Variants in CARD19 observed in about 807,000 individuals in gnomAD.
The protein encoded by CARD19 is caspase recruitment domain family member 19, also known as caspase recruitment domain-containing protein 19.
A neutral mutation model predicts 24.1 loss-of-function variants in CARD19; 25 were observed. The observed-to-expected ratio is 1.04, with a 90% confidence interval of 0.76 to 1.45. The LOEUF (loss-of-function observed/expected upper bound fraction) is 1.45. Among genes scored for constraint, CARD19 ranks in the 40% most tolerant of loss-of-function variants. CARD19 has a pLI of 0.00. For synonymous variants in CARD19, 103 were observed against 104.9 expected (o/e 0.98, Z 0.11); for missense variants, 241 against 247.4 (o/e 0.97, Z 0.17).
In CARD19 at chr9:93,107,760, A is replaced by G. The variant is rs749020074; in HGVS notation, c.94A>G (p.Ile32Val). The change falls in exon 2 of 6, where the codon ATC becomes GTC. Residue 32 changes from isoleucine (I) to valine (V), a missense_variant. By Grantham distance (29) the Ile-to-Val change is conservative. Coordinates refer to ENST00000375464, the MANE Select transcript of CARD19 (RefSeq NM_032310.5). Reference protein sequence around the residue: ...RLSEQQVDRIILQLNRYYPQI... With the variant: ...RLSEQQVDRIVLQLNRYYPQI... ...GAGTGAGCAGCAGGTGGACAGGATC[A>G]TCCTCCAGCTGAACCGTTACTACCC... is the stretch of plus-strand genomic sequence containing the variant. 7.4e-6 allele frequency: 12 copies of G among 1,614,126 alleles called. No homozygotes were observed. The highest frequency in any genetic ancestry group is 1.0e-5 in the Non-Finnish European group (12 of 1,180,038).
chr9:93,106,577 CAA>C (rs58551380), intron 1 of CARD19, among the ~76,000 whole-genome samples: 2 of 135,124 alleles, frequency 1.5e-5, no homozygotes, highest in Admixed American at 7.4e-5. Context: ...CAAAAAAAAA[CAA>C]AAAAAAAAAA....
intron 1 of CARD19, among the ~76,000 whole-genome samples, chr9:93,098,898 C>CTATT (rs1826979972): frequency 1.3e-5 from 1 of 74,600 alleles, no homozygotes. Flanking sequence ...CATTGCAGAA[C>CTATT]TCTTTTTTTT....
At chr9:93,097,050 TCC>T (rs1194899449) in intron 1 of CARD19, among the ~76,000 whole-genome samples, 1 of 152,106 alleles carries the variant, frequency 6.6e-6, no homozygotes, top group Non-Finnish European at 1.5e-5. Context: ...ATCCTCCTGA[TCC>T]CAAACAGGGT....
intron 1 of CARD19, among the ~76,000 whole-genome samples, chr9:93,106,469 T>C (rs1468113218): frequency 6.9e-6 from 1 of 145,652 alleles, no homozygotes; most frequent in East Asian, 2.0e-4. Context: ...ATGCCTGTAA[T>C]CCCAGGAAGA....
intron 3 of CARD19, 48 bp from the exon 4 acceptor site, chr9:93,111,831 C>A: frequency 6.3e-7 from 1 of 1,596,836 alleles, no homozygotes; most frequent in Admixed American, 1.7e-5. Context: ...CTACCTTGCC[C>A]TCCGGCCCTG....
intron 5 of CARD19, 90 bp from the exon 6 acceptor site, chr9:93,112,902 G>A (rs1243260190): frequency 5.8e-6 from 5 of 864,126 alleles, no homozygotes; most frequent in Admixed American, 2.4e-5. Flanking sequence ...CCCAGTGCCT[G>A]TTCCCACCCA....
intron 1 of CARD19, among the ~76,000 whole-genome samples, chr9:93,102,197 G>C (rs1226800087): frequency 6.6e-6 from 1 of 151,518 alleles, no homozygotes; most frequent in African/African-American, 2.4e-5. Context: ...CCTGACCTTA[G>C]GTGACCTCAG....
chr9:93,110,764 G>A (rs757766350), intron 3 of CARD19, 43 bp downstream of exon 3: 37 of 1,581,400 alleles, frequency 2.3e-5, no homozygotes, highest in East Asian at 4.6e-5. Flanking sequence ...GTGCTGGCCC[G>A]GGGAGGGCAC....
intron 2 of CARD19, chr9:93,109,116 G>T (rs1204409616): frequency 6.6e-6 from 1 of 152,206 alleles, no homozygotes; most frequent in Non-Finnish European, 1.5e-5. Flanking sequence ...TTTGAAGGTG[G>T]TACAGTAATT....
rs1444619753 is a variant in CARD19 at position 93,096,735 on chromosome 9, A to G, written c.7+383A>G. On this transcript the variant is annotated intron_variant, in intron 1 of 5. Coordinates refer to ENST00000375464, the MANE Select transcript of CARD19 (RefSeq NM_032310.5). The surrounding 1 kb of genome is among the most constrained non-coding windows in gnomAD (Gnocchi z 5.4). ...GGTCTGAAAGAGTAGGAGGTGGTAG[A>G]AATGACACCGGAGAGAATTCACAGC... Among the ~76,000 whole-genome samples, 2 of 152,174 alleles carry G rather than the reference A, an allele frequency of 1.3e-5. No individual in the cohort carries two copies. Among genetic ancestry groups the G allele is most frequent in the Non-Finnish European group, 2.9e-5 (2 of 68,018 alleles).
At chr9:93,097,337 C>T (rs1207423943) in intron 1 of CARD19, among the ~76,000 whole-genome samples, 1 of 152,040 alleles carries the variant, frequency 6.6e-6, no homozygotes, top group Non-Finnish European at 1.5e-5. Context: ...TTCCAGGACA[C>T]CAGGCCAGAA....
intron 3 of CARD19, chr9:93,111,569 G>A: frequency 7.9e-7 from 1 of 1,264,706 alleles, no homozygotes; most frequent in Non-Finnish European, 1.0e-6. Flanking sequence ...AGGTGGGACT[G>A]GCTCTCCCTC....
chr9:93,106,053 AATAC>A (rs1827241159), intron 1 of CARD19, among the ~76,000 whole-genome samples: 1 of 152,162 alleles, frequency 6.6e-6, no homozygotes, highest in Admixed American at 6.5e-5. Context: ...TCCTTTTATT[AATAC>A]ATAATGTACT....
chr9:93,101,464 C>T (rs539201056), intron 1 of CARD19, among the ~76,000 whole-genome samples: 8 of 145,966 alleles, frequency 5.5e-5, no homozygotes, highest in South Asian at 2.2e-4. Flanking sequence ...TTTTTTGAGA[C>T]GGAGTCTCAC....
At chr9:93,105,018 G>A (rs1023238301) in intron 1 of CARD19, among the ~76,000 whole-genome samples, 1 of 151,952 alleles carries the variant, frequency 6.6e-6, no homozygotes, top group African/African-American at 2.4e-5. Context: ...AAGCTCTCTG[G>A]TCTTTACTTT....
chr9:93,110,178 T>C (rs2130728751), intron 2 of CARD19: 1 of 170,724 alleles, frequency 5.9e-6, no homozygotes, highest in South Asian at 1.3e-4. Context: ...GTATTTTTAA[T>C]AGAGTCGGGG....
chr9:93,102,357 A>T (rs566831857), intron 1 of CARD19, among the ~76,000 whole-genome samples: 1 of 152,072 alleles, frequency 6.6e-6, no homozygotes, highest in African/African-American at 2.4e-5. Flanking sequence ...CTATTTTTGA[A>T]TTGGGTTCTC....
chr9:93,108,419 G>A (rs1158454338), intron 2 of CARD19, among the ~76,000 whole-genome samples: 1 of 152,048 alleles, frequency 6.6e-6, no homozygotes, highest in African/African-American at 2.4e-5. Flanking sequence ...CCCCACAGCC[G>A]CGCCCCAGTC....
intron 1 of CARD19, among the ~76,000 whole-genome samples, chr9:93,100,870 T>C (rs1168213853): frequency 1.3e-5 from 2 of 152,260 alleles, no homozygotes; most frequent in African/African-American, 4.8e-5. Flanking sequence ...TTTTCAAGGT[T>C]CGTCCATGTT....
Sources: gnomAD v4.1 joint callset for allele counts (sites outside exome capture counted in the v4.1 genomes callset) on GRCh38, gnomAD v4.1.1 for gene constraint, Gnocchi (gnomAD v3.1) non-coding constraint, MANE v1.5 for transcripts, NCBI Gene and HGNC (gene_info 2026-07-23, HGNC 2026-07-21) for gene names.